The following SGCD variants were observed in gnomAD, a reference collection of about 807,000 sequenced individuals.
SGCD encodes sarcoglycan delta.
In SGCD, 18 loss-of-function variants were observed where a neutral mutation model predicts 36.6. The observed-to-expected ratio is 0.49, with a 90% CI of 0.34 to 0.73. The LOEUF (loss-of-function observed/expected upper bound fraction) is 0.73, where lower values mean the gene tolerates loss of function less well. SGCD is among the 30% of genes least tolerant of loss of function. The pLI, the probability that SGCD is intolerant of heterozygous loss-of-function variation, is 0.01. For synonymous variants in SGCD, 133 were observed against 130.6 expected (o/e 1.02, Z -0.12); for missense variants, 387 against 346.7 (o/e 1.12, Z -0.92).
intron 1 of SGCD, among the ~76,000 whole-genome samples, chr5:155,880,679 A>C (rs1444346577): frequency 1.3e-5 from 2 of 152,158 alleles, no homozygotes; most frequent in Non-Finnish European, 2.9e-5. Flanking sequence ...AGTGCCCGTG[A>C]AGTTTTCAGT....
chr5:155,951,126 C>T (rs1248501480), intron 1 of SGCD, among the ~76,000 whole-genome samples: 1 of 152,126 alleles, frequency 6.6e-6, no homozygotes, highest in African/African-American at 2.4e-5. Flanking sequence ...CACATTTTAG[C>T]ATGATGAATT....
intron 3 of SGCD, among the ~76,000 whole-genome samples, chr5:156,263,673 A>G (rs755406957): frequency 2.6e-5 from 4 of 152,138 alleles, no homozygotes; most frequent in Non-Finnish European, 4.4e-5. Flanking sequence ...GCCTAAGCCA[A>G]TGTCTAGAAG....
chr5:155,975,387 A>G (rs953245015), intron 1 of SGCD, among the ~76,000 whole-genome samples: 1 of 152,062 alleles, frequency 6.6e-6, no homozygotes, highest in African/African-American at 2.4e-5. Context: ...GGAGGGGGCT[A>G]CTGGGTTAAA....
chr5:156,495,942 G>T (rs189240487), intron 3 of SGCD, among the ~76,000 whole-genome samples: 2 of 152,126 alleles, frequency 1.3e-5, no homozygotes, highest in African/African-American at 2.4e-5. Context: ...TGCTGGCATT[G>T]GTTTTTATCC....
intron 3 of SGCD, among the ~76,000 whole-genome samples, chr5:156,152,661 T>C (rs969951662): frequency 5.9e-5 from 9 of 151,766 alleles, no homozygotes; most frequent in Non-Finnish European, 8.8e-5. Context: ...TAGTATTTCT[T>C]ATACATTGGG....
rs547287933 is a variant in SGCD, at chr5:156,282,214, G to A, written c.-43-47320G>A. The stretch of plus-strand genomic sequence containing the variant: ...CAAAGGGTTCTCCAAGTGGAAATGC[G>A]AATTCTCCTACTATAGTATGGCAGA... On this transcript the variant is annotated intron_variant, in intron 3 of 9. Transcript: ENST00000517913. Among the ~76,000 whole-genome samples, 5 of 152,246 alleles carry A rather than the reference G, an allele frequency of 3.3e-5. No homozygotes were observed. The East Asian group carries it at 9.7e-4, about 29-fold the overall frequency.
intron 1 of SGCD, among the ~76,000 whole-genome samples, chr5:156,117,588 C>T (rs1003426845): frequency 5.9e-5 from 9 of 152,082 alleles, no homozygotes; most frequent in African/African-American, 1.9e-4. Flanking sequence ...ATACTTAGGT[C>T]CTTTCTAGAT....
chr5:156,394,537 A>G (rs1374244333), intron 3 of SGCD, among the ~76,000 whole-genome samples: 2 of 152,196 alleles, frequency 1.3e-5, no homozygotes, highest in African/African-American at 4.8e-5. Context: ...CAGGGCCATA[A>G]TTTAGCTACT....
chr5:155,851,379 C>T, the SGCD span, among the ~76,000 whole-genome samples: 1 of 152,056 alleles, frequency 6.6e-6, no homozygotes. Context: ...AGCGAAGGCA[C>T]TTTCCATGGT....
chr5:155,948,625 G>A (rs1408226199), intron 1 of SGCD, among the ~76,000 whole-genome samples: 1 of 152,140 alleles, frequency 6.6e-6, no homozygotes, highest in Non-Finnish European at 1.5e-5. Context: ...CATCTCATTA[G>A]CTCCCCTGTG....
chr5:155,950,449 G>A (rs1270078306), intron 1 of SGCD, among the ~76,000 whole-genome samples: 1 of 152,166 alleles, frequency 6.6e-6, no homozygotes, highest in Non-Finnish European at 1.5e-5. Flanking sequence ...TGGCTCAGAA[G>A]CGGTTAAACC....
At chr5:156,216,770 T>A (rs77447213) in intron 3 of SGCD, among the ~76,000 whole-genome samples, 8,605 of 152,078 alleles carry the variant, frequency 0.057, 338 homozygotes, top group Non-Finnish European at 0.085. Context: ...TTTGAAAAAA[T>A]TAAAATGAGT....
chr5:156,630,069 G>A (rs1292917825), intron 6 of SGCD, among the ~76,000 whole-genome samples: 3 of 151,842 alleles, frequency 2.0e-5, no homozygotes, highest in Non-Finnish European at 4.4e-5. Context: ...CACCATGTTG[G>A]CCAGGATGGT....
intron 3 of SGCD, among the ~76,000 whole-genome samples, chr5:156,275,761 G>T (rs928821971): frequency 6.6e-6 from 1 of 152,118 alleles, no homozygotes; most frequent in Admixed American, 6.6e-5. Context: ...TACTTATGTT[G>T]CATCCTTCTT....
chr5:155,744,375 G>A, the SGCD span, among the ~76,000 whole-genome samples: 5 of 152,130 alleles, frequency 3.3e-5, no homozygotes, highest in African/African-American at 9.6e-5. Context: ...CAGGAGAATC[G>A]CTTGAACCTG....
At chr5:156,415,724 T>C (rs1276215062) in intron 3 of SGCD, among the ~76,000 whole-genome samples, 2 of 152,214 alleles carry the variant, frequency 1.3e-5, no homozygotes, top group African/African-American at 4.8e-5. Context: ...GCCTGTCCTC[T>C]GCTTGATTCC....
intron 2 of SGCD, among the ~76,000 whole-genome samples, chr5:156,341,565 T>C (rs79028184): frequency 0.013 from 2,044 of 152,268 alleles, 22 homozygotes; most frequent in Non-Finnish European, 0.022. Context: ...ATAATTAGGG[T>C]TGAGTGGCAT....
the SGCD span, among the ~76,000 whole-genome samples, chr5:155,751,244 G>C: frequency 6.6e-6 from 1 of 152,096 alleles, no homozygotes; most frequent in South Asian, 2.1e-4. Flanking sequence ...GCTATCAGGA[G>C]TTTTACATTT....
rs1044515471 is a variant in SGCD, at chr5:156,146,574, A to G, written c.-44+22555A>G. On this transcript the variant is annotated intron_variant, in intron 3 of 9. Transcript: ENST00000517913. ...CATATTACTTAACATTACAACTCTAACTTTAGTTGTAATTTTACATGTAAT... is the reference window on the plus strand; with the variant it reads ...CATATTACTTAACATTACAACTCTAGCTTTAGTTGTAATTTTACATGTAAT... 3.3e-5 allele frequency among the ~76,000 whole-genome samples: 5 copies of G among 152,218 alleles called. No individual in the cohort carries two copies. In the East Asian group the frequency reaches 7.7e-4, roughly 23 times the overall value.
Sources: gnomAD v4.1 joint callset for allele counts (sites outside exome capture counted in the v4.1 genomes callset) on GRCh38, gnomAD v4.1.1 for gene constraint, MANE v1.5 for transcripts, NCBI Gene and HGNC (gene_info 2026-07-23, HGNC 2026-07-21) for gene names.